Variants in HDAC9 observed in about 807,000 individuals in gnomAD.
HDAC9 encodes the protein MEF-2 interacting transcription repressor (MITR) protein.
HDAC9 carries 41 observed loss-of-function variants against 139.4 expected under a neutral mutation model. That is an observed-to-expected ratio of 0.29 (90% CI 0.23 to 0.38). The LOEUF is 0.38. Among genes scored for constraint, HDAC9 ranks in the 10% least tolerant of loss-of-function variants. The pLI is 1.00. For missense variants in HDAC9, 1,147 were observed against 1,297.0 expected, an observed-to-expected ratio of 0.88 and a Z score of 1.78; for synonymous variants, 517 against 476.2, an observed-to-expected ratio of 1.09 and a Z score of -1.12.
At chr7:18,682,282 TGTC>T (rs927726519) in intron 12 of HDAC9, among the ~76,000 whole-genome samples, 1 of 152,058 alleles carries the variant, frequency 6.6e-6, no homozygotes, top group Non-Finnish European at 1.5e-5. Context: ...TAATGCTTTC[TGTC>T]ATCATTTCTT....
At chr7:18,444,448 C>T (rs963016951) in intron 1 of HDAC9, among the ~76,000 whole-genome samples, 1 of 148,770 alleles carries the variant, frequency 6.7e-6, no homozygotes, top group African/African-American at 2.5e-5. Flanking sequence ...CACTCAGTTA[C>T]ATATCTTGTA....
intron 1 of HDAC9, among the ~76,000 whole-genome samples, chr7:18,140,972 C>T (rs1469724988): frequency 6.6e-6 from 1 of 150,666 alleles, no homozygotes; most frequent in African/African-American, 2.4e-5. Context: ...CTTCATAAAG[C>T]TAAAATTCTC....
intron 2 of HDAC9, among the ~76,000 whole-genome samples, chr7:18,210,410 CAATGTAGAATA>C (rs1449368125): frequency 1.3e-5 from 2 of 152,152 alleles, no homozygotes; most frequent in African/African-American, 4.8e-5. Context: ...CTATTTCAGA[CAATGTAGAATA>C]AATCAGCTTG....
chr7:18,331,290 G>T (rs1355907160), intron 1 of HDAC9, among the ~76,000 whole-genome samples: 2 of 151,524 alleles, frequency 1.3e-5, no homozygotes. Context: ...CTTTGCCTTT[G>T]CCTAATTATC....
intron 2 of HDAC9, among the ~76,000 whole-genome samples, chr7:18,508,638 T>C (rs1020114994): frequency 1.3e-5 from 2 of 152,152 alleles, no homozygotes; most frequent in African/African-American, 2.4e-5. Flanking sequence ...TTAACATTTC[T>C]TACCCAAGCA....
chr7:18,263,876 C>T (rs1447274196), intron 2 of HDAC9, among the ~76,000 whole-genome samples: 3 of 152,130 alleles, frequency 2.0e-5, no homozygotes, highest in African/African-American at 7.2e-5. Context: ...GTCTCAGTCT[C>T]CCAAAGTGCT....
At chr7:18,598,392 A>G (rs1833036256) in intron 6 of HDAC9, among the ~76,000 whole-genome samples, 1 of 152,140 alleles carries the variant, frequency 6.6e-6, no homozygotes, top group South Asian at 2.1e-4. Flanking sequence ...AATGAATCTT[A>G]TACTAGTTTT....
At chr7:18,087,477 A>G (rs866579608) in intron 1 of HDAC9, among the ~76,000 whole-genome samples, 193 of 152,270 alleles carry the variant, frequency 1.3e-3, no homozygotes, top group African/African-American at 4.4e-3. Context: ...AACTGAGGCG[A>G]GCGGTCGGTG....
chr7:18,432,496 C>T (rs546343955), intron 1 of HDAC9, among the ~76,000 whole-genome samples: 13 of 152,202 alleles, frequency 8.5e-5, no homozygotes, highest in Non-Finnish European at 1.6e-4. Flanking sequence ...CATCACATTC[C>T]TCATGATTGT....
In HDAC9 at chr7:18,466,951, A is replaced by G. The variant is rs1015894516; in HGVS notation, c.-41-29311A>G. Among the ~76,000 whole-genome samples, 11 of 152,208 alleles carry G rather than the reference A, an allele frequency of 7.2e-5. 1 individual carries two copies. In the East Asian group the frequency reaches 9.7e-4, roughly 13 times the overall value. On this transcript the variant is annotated intron_variant, in intron 1 of 3. Transcript: ENST00000413509. ...TCCCTCCCTCTTTTATAAAATATCT[A>G]TTCATTCTTATGCTTGACTATTTTC...
chr7:18,845,474 A>G (rs1309630380), intron 21 of HDAC9, among the ~76,000 whole-genome samples: 1 of 152,190 alleles, frequency 6.6e-6, no homozygotes, highest in East Asian at 1.9e-4. Context: ...TAAAATACCC[A>G]CATGTTCTCC....
At chr7:18,171,650 C>T (rs1157031308) in intron 2 of HDAC9, among the ~76,000 whole-genome samples, 1 of 152,156 alleles carries the variant, frequency 6.6e-6, no homozygotes, top group Non-Finnish European at 1.5e-5. Flanking sequence ...GAATTTTTAG[C>T]ATGAAGGGCT....
At chr7:18,900,969 T>C (rs1801648414) in intron 22 of HDAC9, among the ~76,000 whole-genome samples, 1 of 152,038 alleles carries the variant, frequency 6.6e-6, no homozygotes, top group South Asian at 2.1e-4. Context: ...TCCATTTGCA[T>C]GCTTTATACT....
At chr7:18,752,135 A>G (rs555866330) in intron 14 of HDAC9, among the ~76,000 whole-genome samples, 2 of 152,156 alleles carry the variant, frequency 1.3e-5, no homozygotes, top group Non-Finnish European at 2.9e-5. Flanking sequence ...GAAAAATACA[A>G]CACAAATTTA....
At chr7:18,219,352 G>A (rs1298931805) in intron 2 of HDAC9, among the ~76,000 whole-genome samples, 1 of 152,112 alleles carries the variant, frequency 6.6e-6, no homozygotes, top group Non-Finnish European at 1.5e-5. Context: ...AATGAACCTG[G>A]AAGTGTTGAA....
At chr7:18,937,030 A>ATTTTTTTTTTTT (rs768350029) in intron 23 of HDAC9, among the ~76,000 whole-genome samples, 4 of 96,696 alleles carry the variant, frequency 4.1e-5, no homozygotes, top group Non-Finnish European at 7.8e-5. Context: ...GCTCTTGTTA[A>ATTTTTTTTTTTT]TTTTTTTTTT....
At chr7:18,107,707 G>C (rs559209960) in intron 1 of HDAC9, among the ~76,000 whole-genome samples, 1 of 152,266 alleles carries the variant, frequency 6.6e-6, no homozygotes, top group Non-Finnish European at 1.5e-5. Context: ...AGTGTTTTCT[G>C]TACTTTTTAA....
In HDAC9 at chr7:18,762,285, C is replaced by A. The variant is rs755508334; in HGVS notation, c.2164+8C>A. On this transcript the variant is annotated splice_region_variant and intron_variant, in intron 15 of 25. Coordinates refer to ENST00000686413, the MANE Select transcript of HDAC9 (RefSeq NM_178425.4). ...ACCCCAGGATACTCCTAGGTCTGTA[C>A]GGGCCTCCACTGTACTGGGAACAGC... 6.2e-7 allele frequency: 1 copy of A among 1,612,966 alleles called. No individual in the cohort carries two copies.
chr7:18,923,541 C>G (rs1803948222), intron 22 of HDAC9, among the ~76,000 whole-genome samples: 2 of 152,086 alleles, frequency 1.3e-5, no homozygotes, highest in East Asian at 3.9e-4. Flanking sequence ...TGAATCTGTC[C>G]TCTGCTTACC....
Sources: allele counts gnomAD v4.1 joint callset (sites outside exome capture counted in the v4.1 genomes callset), GRCh38; gene constraint gnomAD v4.1.1; transcripts MANE v1.5; gene names NCBI Gene and HGNC (gene_info 2026-07-23, HGNC 2026-07-21).